Variants in MAG observed in about 807,000 individuals in gnomAD.
MAG encodes myelin-associated glycoprotein.
A neutral mutation model predicts 60.7 loss-of-function variants in MAG; 30 were observed. The observed-to-expected ratio is 0.49, with a 90% CI of 0.37 to 0.67. MAG has a LOEUF of 0.67. Ranked by LOEUF, MAG falls within the 30% of genes least tolerant of loss-of-function variation. The pLI is 0.00. For synonymous variants in MAG, 384 were observed against 376.8 expected (o/e 1.02, Z -0.22); for missense variants, 795 against 851.7 (o/e 0.93, Z 0.83).
chr19:35,310,565 A>C lies in MAG; in HGVS notation c.1538A>C (p.Lys513Thr). 1.2e-6 allele frequency: 2 copies of C among 1,614,200 alleles called. No homozygotes were observed. Among genetic ancestry groups the C allele is most frequent in the East Asian group, 2.2e-5 (1 of 44,876 alleles). The change falls in exon 9 of 11, where the codon AAG (lysine) becomes ACG (threonine). Residue 513 changes from lysine to threonine, a missense_variant. By Grantham distance (78) the Lys-to-Thr change is moderately conservative (BLOSUM62 -1). Coordinates refer to ENST00000392213, the MANE Select transcript of MAG (RefSeq NM_002361.4). ...FQGAHRLMWA[K>T]IGPVGAVVAF... ...TCCTCAGATCGACTGATGTGGGCCA[A>C]GATCGGGCCTGTGGGCGCCGTGGTC...
chr19:35,306,999 G>T (rs1171643181), intron 7 of MAG, among the ~76,000 whole-genome samples: 1 of 152,228 alleles, frequency 6.6e-6, no homozygotes, highest in Non-Finnish European at 1.5e-5. Context: ...AGCTTCACAG[G>T]TTGTCTGAAA....
Position 35,313,561 on chromosome 19 carries a change from G to A in MAG, c.*107G>A. On this transcript the variant is annotated 3_prime_UTR_variant, in exon 11 of 11. Coordinates refer to ENST00000392213, the MANE Select transcript of MAG (RefSeq NM_002361.4). ...AAAGTATCGGGGGCTGGGGCAGGAGGGGAGTGAGGCAGGTGACAGTGAGGT... is the reference window on the plus strand; with the variant it reads ...AAAGTATCGGGGGCTGGGGCAGGAGAGGAGTGAGGCAGGTGACAGTGAGGT... The A allele has an allele frequency of 8.3e-7, 1 of 1,207,146 alleles. No homozygotes were observed. Among genetic ancestry groups the A allele is most frequent in the Non-Finnish European group, 1.1e-6 (1 of 886,216 alleles). The allele number at this position is 1,207,146 out of a possible 1,614,324, so 74.8% of individuals were successfully genotyped here. A position where few individuals can be genotyped will look rare whatever the true frequency, so the allele number is the denominator to read the frequency against.
At chr19:35,307,742 G>GA (rs201749290) in intron 7 of MAG, among the ~76,000 whole-genome samples, 1,938 of 152,198 alleles carry the variant, frequency 0.013, 56 homozygotes, top group African/African-American at 0.044. Context: ...GAAAATGAAA[G>GA]AAAAAACCTA....
chr19:35,305,953 AG>A lies in MAG; in HGVS notation c.1231+3246del, dbSNP rs201854353. Reference sequence around the variant, plus strand: ...CTGGATGACAGAGCAAGACTGTCCCAGCCCCCCACTCCAGCCTGGATGACAG... The same window carrying A: ...CTGGATGACAGAGCAAGACTGTCCCACCCCCCACTCCAGCCTGGATGACAG... On this transcript the variant is annotated intron_variant, in intron 7 of 10. Coordinates refer to ENST00000392213, the MANE Select transcript of MAG (RefSeq NM_002361.4). Among the ~76,000 whole-genome samples, 97 of 48,756 alleles carry A rather than the reference AG, an allele frequency of 2.0e-3. 2 individuals are homozygous for A. Among genetic ancestry groups the A allele is most frequent in the Middle Eastern group, 0.025 (2 of 80 alleles). The allele number at this position is 48,756 out of a possible 152,430, so 32.0% of individuals were successfully genotyped here.
At chr19:35,304,899 C>T (rs1362876705) in intron 7 of MAG, among the ~76,000 whole-genome samples, 2 of 152,142 alleles carry the variant, frequency 1.3e-5, no homozygotes, top group African/African-American at 4.8e-5. Context: ...TTATAATTAT[C>T]CCCTTTACCA....
intron 6 of MAG, among the ~76,000 whole-genome samples, chr19:35,302,162 C>T (rs2066453209): frequency 6.6e-6 from 1 of 152,150 alleles, no homozygotes; most frequent in South Asian, 2.1e-4. Context: ...GAGGTTGGAA[C>T]TATTATGAAG....
chr19:35,306,020 G>A (rs537263684), intron 7 of MAG, among the ~76,000 whole-genome samples: 1 of 92,688 alleles, frequency 1.1e-5, no homozygotes, highest in Non-Finnish European at 2.0e-5. Context: ...CTGGATGACA[G>A]AGCAAGACTG....
intron 4 of MAG, 117 bp from the exon 5 acceptor site, chr19:35,299,437 C>G: frequency 2.9e-6 from 2 of 678,562 alleles, no homozygotes; most frequent in Admixed American, 3.6e-5. Context: ...GAGGCGATAC[C>G]GTTGAGGAGT....
chr19:35,299,505 C>T (rs750354950), intron 4 of MAG, 49 bp from the exon 5 acceptor site: 4 of 1,393,594 alleles, frequency 2.9e-6, no homozygotes, highest in South Asian at 1.4e-5. Context: ...GGACCGGGAC[C>T]GTAGCCCAGT....
Position 35,312,024 on chromosome 19 carries a change from ACCAGGCT to A in MAG, c.1716+15_1716+21del, listed in dbSNP as rs1248244717. 6.2e-7 allele frequency: 1 copy of A among 1,610,470 alleles called. No homozygotes were observed. Among genetic ancestry groups the A allele is most frequent in the African/African-American group, 1.3e-5 (1 of 74,768 alleles). ...GGCACCAGAGAAGTACGAGGTAAGG[ACCAGGCT>A]CCAGGCTGGCCTGGGAACCTGGATG... On this transcript the variant is annotated splice_region_variant and intron_variant, in intron 10 of 10. Coordinates refer to ENST00000392213, the MANE Select transcript of MAG (RefSeq NM_002361.4).
chr19:35,310,949 G>A (rs988524754), intron 9 of MAG, among the ~76,000 whole-genome samples: 1 of 152,182 alleles, frequency 6.6e-6, no homozygotes, highest in Admixed American at 6.5e-5. Flanking sequence ...CCAGTGTGGT[G>A]GGGAAAGCCC....
intron 5 of MAG, 79 bp downstream of exon 5, chr19:35,299,929 C>T (rs2066434719): frequency 8.7e-6 from 7 of 803,348 alleles, no homozygotes; most frequent in Admixed American, 8.1e-5. Context: ...GGGATGCGGC[C>T]GGAGGCGGGG....
chr19:35,299,870 G>GA lies in MAG; in HGVS notation c.712+20_712+21insA. ...TCAAGTGTGAGCCTGGGTGCGGGCG[G>GA]GGCGGGGTGGGGCGGGGTGGGGCGG... On this transcript the variant is annotated intron_variant, in intron 5 of 10. Coordinates refer to ENST00000392213, the MANE Select transcript of MAG (RefSeq NM_002361.4). 1 of 799,140 alleles carries GA rather than the reference G, an allele frequency of 1.3e-6. No homozygotes were observed. The highest frequency in any genetic ancestry group is 1.8e-6 in the Non-Finnish European group (1 of 562,442). 49.5% of individuals were successfully genotyped at this position (799,140 alleles called of 1,614,324 possible).
intron 6 of MAG, among the ~76,000 whole-genome samples, chr19:35,301,527 G>A (rs566427363): frequency 6.9e-6 from 1 of 145,026 alleles, no homozygotes; most frequent in African/African-American, 2.6e-5. Context: ...CCACTTCCCT[G>A]TTCAAGCAAT....
intron 7 of MAG, among the ~76,000 whole-genome samples, chr19:35,309,616 A>T (rs1340014551): frequency 6.6e-6 from 1 of 152,054 alleles, no homozygotes; most frequent in African/African-American, 2.4e-5. Context: ...AAACACCTTT[A>T]TCAGTGCCTG....
chr19:35,296,709 G>A (rs1226225581), intron 4 of MAG, among the ~76,000 whole-genome samples: 2 of 151,646 alleles, frequency 1.3e-5, no homozygotes, highest in Admixed American at 6.6e-5. Context: ...AGAGAGCCGG[G>A]TTCACCCTGG....
intron 9 of MAG, among the ~76,000 whole-genome samples, chr19:35,311,625 C>G (rs2066527580): frequency 6.6e-6 from 1 of 152,218 alleles, no homozygotes; most frequent in Admixed American, 6.5e-5. Context: ...ATCCTGGTGG[C>G]AAGAGGGGCA....
chr19:35,309,080 T>A lies in MAG; in HGVS notation c.1232-794T>A, dbSNP rs548150194. ...TCTGATTTATGTATTACAAGGTGAATGAGGTTAGAGAGAGTGTAAGAGCCA... is the reference window on the plus strand; with the variant it reads ...TCTGATTTATGTATTACAAGGTGAAAGAGGTTAGAGAGAGTGTAAGAGCCA... On this transcript the variant is annotated intron_variant, in intron 7 of 10. Transcript: ENST00000392213. 3.3e-5 allele frequency among the ~76,000 whole-genome samples: 5 copies of A among 152,174 alleles called. No individual in the cohort carries two copies. In the East Asian group the frequency reaches 9.7e-4, roughly 29 times the overall value.
chr19:35,305,185 G>A (rs914827638), intron 7 of MAG, among the ~76,000 whole-genome samples: 2 of 152,156 alleles, frequency 1.3e-5, no homozygotes, highest in African/African-American at 4.8e-5. Flanking sequence ...ACCCAGGCCT[G>A]TGTCAAAGTG....
Sources: allele counts gnomAD v4.1 joint callset (sites outside exome capture counted in the v4.1 genomes callset), GRCh38; gene constraint gnomAD v4.1.1; transcripts MANE v1.5; gene names NCBI Gene and HGNC (gene_info 2026-07-23, HGNC 2026-07-21).